Variants in HOMER2 observed in about 807,000 individuals in gnomAD.
HOMER2 encodes the protein homer protein homolog 2.
A neutral mutation model predicts 47.0 loss-of-function variants in HOMER2; 27 were observed. The observed-to-expected ratio is 0.57, with a 90% CI of 0.42 to 0.79. The LOEUF (loss-of-function observed/expected upper bound fraction) is 0.79. Among genes scored for constraint, HOMER2 ranks in the 30% least tolerant of loss-of-function variants. The pLI, the probability that HOMER2 is intolerant of heterozygous loss-of-function variation, is 0.00. For missense variants in HOMER2, 443 were observed against 435.0 expected (o/e 1.02, Z -0.16); for synonymous variants, 161 against 163.8 (o/e 0.98, Z 0.13).
intron 1 of HOMER2, among the ~76,000 whole-genome samples, chr15:82,902,072 T>C (rs1217482300): frequency 6.6e-6 from 1 of 152,204 alleles, no homozygotes; most frequent in African/African-American, 2.4e-5. Context: ...GATGGTATGG[T>C]TAACATTTAT....
At chr15:82,935,943 T>C (rs1333377216) in intron 1 of HOMER2, among the ~76,000 whole-genome samples, 3 of 152,210 alleles carry the variant, frequency 2.0e-5, no homozygotes, top group African/African-American at 7.2e-5. Context: ...AGAAGGATCA[T>C]GCTGCAGCCC....
chr15:82,870,125 C>T (rs900333359), intron 3 of HOMER2, among the ~76,000 whole-genome samples: 3 of 152,154 alleles, frequency 2.0e-5, no homozygotes, highest in Non-Finnish European at 1.5e-5. Flanking sequence ...TTCTTTTGGC[C>T]TTAGCCATTG....
Position 82,910,103 on chromosome 15 carries a change from A to C in HOMER2, c.6-17262T>G, listed in dbSNP as rs1183764679. The stretch of plus-strand genomic sequence containing the variant: ...AGCTGAGATCATGCTACTGCACTCC[A>C]GCCTGGGTAACAGAGCAAGATTCTG... On this transcript the variant is annotated intron_variant, in intron 1 of 8. Coordinates refer to ENST00000450735, the MANE Select transcript of HOMER2 (RefSeq NM_004839.4). Among the ~76,000 whole-genome samples the C allele has an allele frequency of 3.7e-5, 5 of 135,484 alleles. No homozygotes were observed. In the Admixed American group the frequency reaches 4.2e-4, roughly 11 times the overall value. 88.9% of individuals were successfully genotyped at this position (135,484 alleles called of 152,430 possible). A position where few individuals can be genotyped will look rare whatever the true frequency, so the allele number is the denominator to read the frequency against.
chr15:82,875,244 T>C lies in HOMER2; in HGVS notation c.294+29A>G, dbSNP rs1383058081. On this transcript the variant is annotated intron_variant, in intron 3 of 8. Transcript: ENST00000450735. ...ATGAGAATGGCATCTGATGCGGGAT[T>C]TACTGCACTGTGGATAGGACCAAGT... 4 of 1,610,778 alleles carry C rather than the reference T, an allele frequency of 2.5e-6. No individual in the cohort carries two copies. The Admixed American group carries it at 6.7e-5, about 27-fold the overall frequency.
intron 3 of HOMER2, among the ~76,000 whole-genome samples, chr15:82,874,027 A>G (rs2052264302): frequency 6.6e-6 from 1 of 152,206 alleles, no homozygotes; most frequent in South Asian, 2.1e-4. Flanking sequence ...ACTGTCTTCA[A>G]TACACACAAG....
At chr15:82,876,393 A>C (rs1325853982) in intron 2 of HOMER2, among the ~76,000 whole-genome samples, 1 of 152,236 alleles carries the variant, frequency 6.6e-6, no homozygotes, top group Admixed American at 6.5e-5. Context: ...AAAGATACAA[A>C]GATGAATGAG....
intron 2 of HOMER2, 74 bp from the exon 3 acceptor site, chr15:82,875,478 A>G (rs2151070615): frequency 1.3e-6 from 2 of 1,514,938 alleles, no homozygotes; most frequent in Non-Finnish European, 1.8e-6. Context: ...AAAGTCTTCT[A>G]TTGGCAAAGC....
Position 82,891,906 on chromosome 15 carries a change from C to T in HOMER2, c.162+779G>A, listed in dbSNP as rs183668245. On this transcript the variant is annotated intron_variant, in intron 2 of 8. Transcript: ENST00000450735. ...AAAAAGGGGAATTCAGCTTTAGATACACTGAATTCCAGGTGGCAGCAGATA... is the reference window on the plus strand; with the variant it reads ...AAAAAGGGGAATTCAGCTTTAGATATACTGAATTCCAGGTGGCAGCAGATA... Among the ~76,000 whole-genome samples the T allele has an allele frequency of 8.3e-3, 1,265 of 151,734 alleles. 11 individuals are homozygous for T. The highest frequency in any genetic ancestry group is 0.014 in the Non-Finnish European group (961 of 67,982).
At chr15:82,872,837 T>G (rs575489525) in intron 3 of HOMER2, among the ~76,000 whole-genome samples, 83 of 152,302 alleles carry the variant, frequency 5.4e-4, no homozygotes, top group African/African-American at 1.8e-3. Flanking sequence ...AGGGCCTAGC[T>G]GCATGAGGAG....
chr15:82,954,724 T>C (rs192235895), upstream of HOMER2, among the ~76,000 whole-genome samples: 3 of 152,300 alleles, frequency 2.0e-5, no homozygotes, highest in East Asian at 1.9e-4. Flanking sequence ...CAAAAAGTTA[T>C]ATAAAACAAT....
chr15:82,951,714 G>C (rs2054509793), intron 1 of HOMER2, among the ~76,000 whole-genome samples: 1 of 152,204 alleles, frequency 6.6e-6, no homozygotes, highest in Non-Finnish European at 1.5e-5. Flanking sequence ...ACACAGCCTG[G>C]GGGAAGTCAC....
intron 1 of HOMER2, among the ~76,000 whole-genome samples, chr15:82,898,009 A>T (rs1159912485): frequency 2.0e-5 from 3 of 152,232 alleles, no homozygotes; most frequent in Admixed American, 6.5e-5. Flanking sequence ...CTTCACAGAA[A>T]GCTTACTACA....
intron 5 of HOMER2, among the ~76,000 whole-genome samples, chr15:82,856,036 T>C (rs887173761): frequency 1.3e-5 from 2 of 152,174 alleles, no homozygotes; most frequent in African/African-American, 4.8e-5. Flanking sequence ...CAATGGTGTG[T>C]CTGAATAGAT....
intron 3 of HOMER2, 114 bp from the exon 4 acceptor site, chr15:82,864,373 C>T (rs2051894928): frequency 1.6e-6 from 1 of 629,066 alleles, no homozygotes; most frequent in African/African-American, 1.8e-5. Context: ...CTGTATAAAT[C>T]CAGAAGAATT....
intron 1 of HOMER2, among the ~76,000 whole-genome samples, chr15:82,907,395 AAG>A (rs1432111943): frequency 6.6e-6 from 1 of 151,364 alleles, no homozygotes; most frequent in African/African-American, 2.4e-5. Context: ...GAGGAAAGGA[AAG>A]AGAAAGAGAA....
At chr15:82,844,618 C>A (rs907157009), downstream of HOMER2, 1 of 152,026 alleles carries the variant, frequency 6.6e-6, no homozygotes, top group African/African-American at 2.4e-5. Context: ...AGTGTAATAA[C>A]AGGTGATTGG....
At chr15:82,875,533 G>T in intron 2 of HOMER2, 129 bp from the exon 3 acceptor site, 1 of 927,388 alleles carries the variant, frequency 1.1e-6, no homozygotes, top group Non-Finnish European at 1.6e-6. Context: ...ATTTGGTCCC[G>T]CGTTCTCCTG....
At chr15:82,912,881 G>A (rs2053487767) in intron 1 of HOMER2, among the ~76,000 whole-genome samples, 1 of 152,112 alleles carries the variant, frequency 6.6e-6, no homozygotes, top group African/African-American at 2.4e-5. Context: ...TAGGCGGACT[G>A]TGTGTGTGTG....
intron 1 of HOMER2, chr15:82,951,999 TG>T: frequency 1.0e-6 from 1 of 969,988 alleles, no homozygotes; most frequent in African/African-American, 1.8e-5. Context: ...TTTCAAAGAC[TG>T]AAGCCTCACC....
Sources: allele counts gnomAD v4.1 joint callset (sites outside exome capture counted in the v4.1 genomes callset), GRCh38; gene constraint gnomAD v4.1.1; transcripts MANE v1.5; gene names NCBI Gene and HGNC (gene_info 2026-07-23, HGNC 2026-07-21).